NRXN1: variants seen among roughly 807,000 people sequenced by gnomAD.
NRXN1 encodes neurexin 1.
In NRXN1, 39 loss-of-function variants were observed where a neutral mutation model predicts 150.9. The ratio of observed to expected loss-of-function variants is 0.26; its 90% confidence interval spans 0.20 to 0.34. NRXN1 has a LOEUF of 0.34. NRXN1 is among the 10% of genes least tolerant of loss of function. The pLI is 1.00. For missense variants in NRXN1, 1,815 were observed against 1,949.9 expected (o/e 0.93, Z 1.30); for synonymous variants, 924 against 757.0 (o/e 1.22, Z -3.62).
intron 19 of NRXN1, among the ~76,000 whole-genome samples, chr2:50,058,917 T>A (rs1240154868): frequency 6.6e-6 from 1 of 152,214 alleles, no homozygotes; most frequent in East Asian, 1.9e-4. Flanking sequence ...CCATTAAACC[T>A]GTTTTTCTTT....
intron 5 of NRXN1, among the ~76,000 whole-genome samples, chr2:50,709,032 T>G (rs775939073): frequency 1.1e-4 from 16 of 152,104 alleles, no homozygotes; most frequent in Non-Finnish European, 2.1e-4. Flanking sequence ...CCTCTGTTCA[T>G]GGCTTTCCAA....
chr2:50,066,602 T>C (rs926785465), intron 19 of NRXN1, among the ~76,000 whole-genome samples: 4 of 152,208 alleles, frequency 2.6e-5, no homozygotes, highest in Admixed American at 2.0e-4. Context: ...ACCCAACATC[T>C]ATTTTTAAAT....
intron 22 of NRXN1, among the ~76,000 whole-genome samples, chr2:49,943,041 T>G (rs887090016): frequency 2.7e-5 from 4 of 148,614 alleles, no homozygotes; most frequent in Admixed American, 6.9e-5. Flanking sequence ...TTCATTCATT[T>G]TTCAGGGGTC....
intron 2 of NRXN1, among the ~76,000 whole-genome samples, chr2:50,958,240 A>C (rs1472250116): frequency 6.6e-6 from 1 of 152,100 alleles, no homozygotes; most frequent in Non-Finnish European, 1.5e-5. Flanking sequence ...CTGCAAAATA[A>C]AACTCCTTGC....
intron 2 of NRXN1, among the ~76,000 whole-genome samples, chr2:50,998,474 T>C (rs1055540762): frequency 3.3e-5 from 5 of 152,078 alleles, no homozygotes; most frequent in East Asian, 1.9e-4. Flanking sequence ...GCAAATCATA[T>C]TGTTTTAATA....
chr2:50,727,330 G>A (rs924989785), intron 5 of NRXN1, among the ~76,000 whole-genome samples: 5 of 152,106 alleles, frequency 3.3e-5, no homozygotes, highest in Non-Finnish European at 7.4e-5. Context: ...CACAGTCAAT[G>A]TGTTAACACT....
chr2:50,020,698 C>G (rs1687432279), intron 21 of NRXN1, among the ~76,000 whole-genome samples: 1 of 152,146 alleles, frequency 6.6e-6, no homozygotes, highest in African/African-American at 2.4e-5. Flanking sequence ...CCAGGTAGAG[C>G]TAGCCTGTGT....
intron 18 of NRXN1, among the ~76,000 whole-genome samples, chr2:50,210,749 G>T (rs955962680): frequency 1.3e-5 from 2 of 151,394 alleles, no homozygotes; most frequent in Non-Finnish European, 3.0e-5. Flanking sequence ...GTAGAAAATA[G>T]ATAATGTACT....
intron 21 of NRXN1, chr2:49,974,324 C>A: frequency 2.2e-6 from 1 of 462,674 alleles, no homozygotes; most frequent in Non-Finnish European, 4.1e-6. Flanking sequence ...CGGCACCACT[C>A]AAAAAGTCTC....
chr2:50,098,648 G>A (rs1371080548), intron 18 of NRXN1, among the ~76,000 whole-genome samples: 2 of 152,006 alleles, frequency 1.3e-5, no homozygotes, highest in Non-Finnish European at 2.9e-5. Flanking sequence ...CTTTAATCTT[G>A]CTGAAATCAC....
intron 9 of NRXN1, among the ~76,000 whole-genome samples, chr2:50,547,091 A>G (rs550011446): frequency 6.6e-6 from 1 of 152,262 alleles, no homozygotes; most frequent in African/African-American, 2.4e-5. Context: ...CTCTTGAGAG[A>G]GCCTTGTACC....
At position 50,612,400 on chromosome 2, in the gene NRXN1, C is replaced by CTCCCTT. The variant is rs1320085966; in HGVS notation, c.1320+7616_1320+7621dup. 2.6e-5 allele frequency among the ~76,000 whole-genome samples: 4 copies of CTCCCTT among 152,104 alleles called. No homozygotes were observed. In the East Asian group the frequency reaches 7.7e-4, roughly 29 times the overall value. ...TGTTTTTTTTCTTCTTCTTCCATTA[C>CTCCCTT]TCCCTTTCTGATAGGTTTGAAATAC... On this transcript the variant is annotated intron_variant, in intron 8 of 22. Transcript: ENST00000401669.
intron 17 of NRXN1, among the ~76,000 whole-genome samples, chr2:50,358,069 T>A (rs1307449152): frequency 6.6e-6 from 1 of 152,154 alleles, no homozygotes; most frequent in Non-Finnish European, 1.5e-5. Context: ...GCTTTTCCCA[T>A]GGTCTTCACC....
At chr2:50,723,419 T>C (rs1210836386) in intron 5 of NRXN1, among the ~76,000 whole-genome samples, 2 of 152,212 alleles carry the variant, frequency 1.3e-5, no homozygotes, top group Non-Finnish European at 2.9e-5. Flanking sequence ...TTCTGATGAC[T>C]AGCTACATTA....
chr2:51,010,336 A>G (rs921975094), intron 2 of NRXN1, among the ~76,000 whole-genome samples: 10 of 152,078 alleles, frequency 6.6e-5, no homozygotes, highest in African/African-American at 1.9e-4. Context: ...AAATAAGTAT[A>G]TAAATTCTAT....
At position 50,278,246 on chromosome 2, in the gene NRXN1, A is replaced by ATATGTATTATATATATTATATATATATAT. The variant is rs1553368277; in HGVS notation, c.3365-41277_3365-41276insATATATATATATAATATATATAATACATA. Among the ~76,000 whole-genome samples the ATATGTATTATATATATTATATATATATAT allele has an allele frequency of 5.5e-4, 66 of 120,786 alleles. 1 individual carries two copies. In the East Asian group the frequency reaches 7.7e-3, roughly 14 times the overall value. 79.2% of individuals were successfully genotyped at this position (120,786 alleles called of 152,430 possible). On this transcript the variant is annotated intron_variant, in intron 17 of 22. Coordinates refer to ENST00000401669, the MANE Select transcript of NRXN1 (RefSeq NM_001330078.2). The stretch of plus-strand genomic sequence containing the variant: ...CCTGGCTTTTATATATATATAATAT[A>ATATGTATTATATATATTATATATATATAT]TATATATATTATATATATTATATAT...
chr2:50,512,684 A>G (rs2092494268), intron 12 of NRXN1, among the ~76,000 whole-genome samples: 1 of 152,178 alleles, frequency 6.6e-6, no homozygotes, highest in African/African-American at 2.4e-5. Context: ...AACATGCATT[A>G]CCTAATTGTC....
At chr2:50,996,429 C>G (rs1460910393) in intron 2 of NRXN1, among the ~76,000 whole-genome samples, 1 of 151,958 alleles carries the variant, frequency 6.6e-6, no homozygotes, top group Non-Finnish European at 1.5e-5. Flanking sequence ...CCAGTTTAAA[C>G]CAGCTTAACT....
chr2:50,330,565 T>TA (rs1347470561), intron 17 of NRXN1, among the ~76,000 whole-genome samples: 1 of 152,068 alleles, frequency 6.6e-6, no homozygotes, highest in African/African-American at 2.4e-5. Context: ...TTCTCTCCAT[T>TA]AAAAAAATCC....
Sources: gnomAD v4.1 joint callset for allele counts (sites outside exome capture counted in the v4.1 genomes callset) on GRCh38, gnomAD v4.1.1 for gene constraint, MANE v1.5 for transcripts, NCBI Gene and HGNC (gene_info 2026-07-23, HGNC 2026-07-21) for gene names.